MIER2: variants seen among roughly 807,000 people sequenced by gnomAD.
The protein encoded by MIER2 is MIER family member 2, also known as mesoderm induction early response protein 2.
In MIER2, 30 loss-of-function variants were observed where a neutral mutation model predicts 67.6. The ratio of observed to expected loss-of-function variants is 0.44; its 90% CI spans 0.33 to 0.60. MIER2 has a LOEUF of 0.60. Among genes scored for constraint, MIER2 ranks in the 20% least tolerant of loss-of-function variants. The pLI is 0.02. For synonymous variants in MIER2, 372 were observed against 312.6 expected (o/e 1.19, Z -2.00); for missense variants, 702 against 745.1 (o/e 0.94, Z 0.67).
At chr19:311,346 A>T (rs2145360063) in intron 10 of MIER2, among the ~76,000 whole-genome samples, 1 of 152,368 alleles carries the variant, frequency 6.6e-6, no homozygotes, top group South Asian at 2.1e-4. Context: ...AGACCCACAG[A>T]GGACGTGGGG....
intron 12 of MIER2, among the ~76,000 whole-genome samples, chr19:307,927 A>G (rs1970738284): frequency 8.7e-6 from 1 of 115,598 alleles, no homozygotes; most frequent in South Asian, 2.3e-4. Flanking sequence ...TTGTTCCCAC[A>G]GGCAGCGCAA....
intron 2 of MIER2, among the ~76,000 whole-genome samples, chr19:335,549 C>G (rs1972205831): frequency 6.6e-6 from 1 of 152,202 alleles, no homozygotes; most frequent in African/African-American, 2.4e-5. Flanking sequence ...AGCCCTACAC[C>G]TGGCAGAAGG....
At chr19:325,576 A>C in intron 7 of MIER2, 59 bp downstream of exon 7, 1 of 1,593,462 alleles carries the variant, frequency 6.3e-7, no homozygotes, top group South Asian at 1.1e-5. Flanking sequence ...TCTGACGTCC[A>C]GCCAGGCCAC....
Position 307,348 on chromosome 19 carries a change from C to T in MIER2, c.1387G>A (p.Glu463Lys). The change falls in exon 13 of 14, where the codon GAG becomes AAG. Residue 463 changes from glutamate (E) to lysine (K), a missense_variant. Glu to Lys is a moderately conservative substitution (Grantham distance 56). This residue lies in a region of MIER2 where 254 missense variants were observed against 262.8 expected (regional missense o/e 0.97). Transcript: ENST00000264819. Reference sequence around the variant, plus strand: ...GCCAGCCTTGGGCTGGCGTCTGGCTCCGGAGCAGTGACAGCTGGCTGGTAT... The same window carrying T: ...GCCAGCCTTGGGCTGGCGTCTGGCTTCGGAGCAGTGACAGCTGGCTGGTAT... ...ASYQPAVTAPEPDASPRLAVD... is the reference protein window; with the variant it reads ...ASYQPAVTAPKPDASPRLAVD... 6.2e-7 allele frequency: 1 copy of T among 1,604,872 alleles called. No homozygotes were observed. The highest frequency in any genetic ancestry group is 8.5e-7 in the Non-Finnish European group (1 of 1,176,556).
At chr19:314,455 T>C (rs1056518428) in intron 7 of MIER2, among the ~76,000 whole-genome samples, 3 of 151,918 alleles carry the variant, frequency 2.0e-5, no homozygotes, top group Admixed American at 6.6e-5. Context: ...AGGCACAGGA[T>C]CCCAAACAAA....
In MIER2 at chr19:325,720, C is replaced by T. The variant is rs372865632; in HGVS notation, c.586-16G>A. 8 of 1,614,046 alleles carry T rather than the reference C, an allele frequency of 5.0e-6. No homozygotes were observed. Among genetic ancestry groups the T allele is most frequent in the Non-Finnish European group, 6.8e-6 (8 of 1,180,022 alleles). ...CCATGATCTCCTGCAAAGCAAGCAC[C>T]TGGGAATCAGGACACTGAGGAGCAT... On this transcript the variant is annotated splice_polypyrimidine_tract_variant and intron_variant, in intron 6 of 13. Transcript: ENST00000264819.
Position 308,930 on chromosome 19 carries a change from G to T in MIER2, c.985-5C>A. On this transcript the variant is annotated splice_polypyrimidine_tract_variant and splice_region_variant and intron_variant, in intron 10 of 13. Transcript: ENST00000264819. The surrounding 1 kb of genome is among the most constrained non-coding windows in gnomAD (Gnocchi z 9.1). ...GCCCACTGACCGTGTGCGCACCTGC[G>T]GGGAGGGGTCAGGAGCCATCTCTGT... 6.3e-7 allele frequency: 1 copy of T among 1,599,484 alleles called. No individual in the cohort carries two copies.
chr19:308,560 T>C lies in MIER2; in HGVS notation c.1198+17A>G. ...CCGTGGCCGCCCCCAGGGCAGGAGATACTCCCCAAGCCTCACCTGTGCGCA... is the reference window on the plus strand; with the variant it reads ...CCGTGGCCGCCCCCAGGGCAGGAGACACTCCCCAAGCCTCACCTGTGCGCA... On this transcript the variant is annotated intron_variant, in intron 12 of 13. Transcript: ENST00000264819. The surrounding 1 kb of genome is among the most constrained non-coding windows in gnomAD (Gnocchi z 9.1). 1 of 1,582,376 alleles carries C rather than the reference T, an allele frequency of 6.3e-7. No individual in the cohort carries two copies. Among genetic ancestry groups the C allele is most frequent in the Non-Finnish European group, 8.6e-7 (1 of 1,166,264 alleles).
At chr19:319,156 G>GT (rs1273216538) in intron 7 of MIER2, among the ~76,000 whole-genome samples, 2 of 151,524 alleles carry the variant, frequency 1.3e-5, no homozygotes, top group African/African-American at 4.9e-5. Context: ...GAGGTCAGGA[G>GT]TTTGAGACCA....
At chr19:328,065 G>A (rs1382131588) in intron 3 of MIER2, 76 bp from the exon 4 acceptor site, 1 of 1,575,454 alleles carries the variant, frequency 6.3e-7, no homozygotes, top group African/African-American at 1.4e-5. Context: ...TCTTGCCTGA[G>A]CCTCACTGGC....
intron 10 of MIER2, among the ~76,000 whole-genome samples, chr19:309,435 A>G (rs893578135): frequency 6.6e-6 from 1 of 152,122 alleles, no homozygotes; most frequent in Admixed American, 6.5e-5. Flanking sequence ...ACATCCCTCC[A>G]GGGCCCAGCG....
chr19:331,864 C>T (rs903596785), intron 3 of MIER2, among the ~76,000 whole-genome samples: 9 of 151,808 alleles, frequency 5.9e-5, no homozygotes, highest in Non-Finnish European at 1.0e-4. Flanking sequence ...ACCTGTGGTC[C>T]CAGCTACTCG....
chr19:336,056 GAGCA>G, intron 2 of MIER2, 23 bp downstream of exon 2: 3 of 1,607,096 alleles, frequency 1.9e-6, no homozygotes, highest in Non-Finnish European at 2.6e-6. Flanking sequence ...TGGCGGACCT[GAGCA>G]GGGGAAGGAG....
At chr19:344,247 G>A in intron 1 of MIER2, 1 of 985,348 alleles carries the variant, frequency 1.0e-6, no homozygotes, top group Non-Finnish European at 1.2e-6. Flanking sequence ...TTCAAATCCC[G>A]CCCGGGGTCT....
chr19:318,588 A>G (rs1485778941), intron 7 of MIER2, among the ~76,000 whole-genome samples: 1 of 152,232 alleles, frequency 6.6e-6, no homozygotes, highest in Non-Finnish European at 1.5e-5. Context: ...TATCCAGCGG[A>G]TCCAAGGGAA....
chr19:337,939 C>G (rs550399696), intron 1 of MIER2, among the ~76,000 whole-genome samples: 2 of 147,904 alleles, frequency 1.4e-5, no homozygotes, highest in East Asian at 2.0e-4. Flanking sequence ...TTTGGGAGGC[C>G]GAGGTGGGCA....
intron 7 of MIER2, among the ~76,000 whole-genome samples, chr19:314,708 A>G (rs187834727): frequency 1.3e-5 from 2 of 152,046 alleles, no homozygotes; most frequent in South Asian, 2.1e-4. Context: ...CTGCTTGGAC[A>G]GAGGTGGTCT....
Position 306,668 on chromosome 19 carries a change from A to C in MIER2, c.*22T>G, listed in dbSNP as rs1050737659. 1 of 1,553,024 alleles carries C rather than the reference A, an allele frequency of 6.4e-7. No individual in the cohort carries two copies. Among genetic ancestry groups the C allele is most frequent in the South Asian group, 1.2e-5 (1 of 84,168 alleles). On this transcript the variant is annotated 3_prime_UTR_variant, in exon 14 of 14. Coordinates refer to ENST00000264819, the MANE Select transcript of MIER2 (RefSeq NM_017550.3). Reference sequence around the variant, plus strand: ...CAGCGCTAAGTCCAGTCTGGGCCGCATACGCCGCCCGCGGCCAGGAGTCAG... The same window carrying C: ...CAGCGCTAAGTCCAGTCTGGGCCGCCTACGCCGCCCGCGGCCAGGAGTCAG...
At chr19:317,237 A>G (rs1971275155) in intron 7 of MIER2, among the ~76,000 whole-genome samples, 1 of 150,850 alleles carries the variant, frequency 6.6e-6, no homozygotes, top group African/African-American at 2.4e-5. Context: ...TACTAAAAAT[A>G]CAAAATTAGG....
Sources: allele counts gnomAD v4.1 joint callset (sites outside exome capture counted in the v4.1 genomes callset), GRCh38; gene constraint gnomAD v4.1.1; regional missense constraint gnomAD v4.1.1; non-coding constraint Gnocchi (gnomAD v3.1); transcripts MANE v1.5; gene names NCBI Gene and HGNC (gene_info 2026-07-23, HGNC 2026-07-21).